Variants in RCOR1 observed in about 807,000 individuals in gnomAD.
RCOR1 encodes the protein REST corepressor 1, also known as REST corepressor.
A neutral mutation model predicts 64.0 loss-of-function variants in RCOR1; 12 were observed. The observed-to-expected ratio is 0.19, with a 90% CI of 0.12 to 0.30. The LOEUF (loss-of-function observed/expected upper bound fraction) is 0.30. RCOR1 is among the 10% of genes least tolerant of loss of function. The pLI is 1.00. For synonymous variants in RCOR1, 279 were observed against 227.2 expected (o/e 1.23, Z -2.05); for missense variants, 502 against 621.2 (o/e 0.81, Z 2.04).
chr14:102,610,197 T>C (rs1476412404), intron 2 of RCOR1, among the ~76,000 whole-genome samples: 2 of 152,028 alleles, frequency 1.3e-5, no homozygotes, highest in African/African-American at 4.8e-5. Context: ...CCTAGTTAAT[T>C]TGAATATTAA....
At chr14:102,622,931 T>C (rs889027296) in intron 2 of RCOR1, among the ~76,000 whole-genome samples, 4 of 152,250 alleles carry the variant, frequency 2.6e-5, no homozygotes, top group Non-Finnish European at 4.4e-5. Flanking sequence ...TTCCCCTCTT[T>C]AACTCTAGTA....
At chr14:102,710,739 A>G (rs968285297) in intron 6 of RCOR1, 196 bp from the exon 7 acceptor site, 8 of 555,402 alleles carry the variant, frequency 1.4e-5, no homozygotes, top group African/African-American at 1.2e-4. Flanking sequence ...TGAAAGAACT[A>G]TGGAGTTGGT....
At chr14:102,695,423 C>G (rs561792730) in intron 3 of RCOR1, 1 of 152,172 alleles carries the variant, frequency 6.6e-6, no homozygotes, top group Non-Finnish European at 1.5e-5. Flanking sequence ...TCAACTGATT[C>G]TTCACAATTG....
At chr14:102,593,848 C>T (rs1307319714) in intron 2 of RCOR1, among the ~76,000 whole-genome samples, 1 of 152,186 alleles carries the variant, frequency 6.6e-6, no homozygotes, top group Non-Finnish European at 1.5e-5. Flanking sequence ...GAAGAACGAC[C>T]CCCCAAAACC....
At chr14:102,636,648 C>T (rs565945472) in intron 2 of RCOR1, among the ~76,000 whole-genome samples, 3 of 151,922 alleles carry the variant, frequency 2.0e-5, no homozygotes, top group Non-Finnish European at 4.4e-5. Flanking sequence ...TACCTTCACC[C>T]GTTTTACTGA....
At chr14:102,705,569 C>T (rs1863114842) in intron 4 of RCOR1, among the ~76,000 whole-genome samples, 1 of 152,144 alleles carries the variant, frequency 6.6e-6, no homozygotes. Flanking sequence ...CTGCCTCAGC[C>T]CCCCAAGTAG....
intron 2 of RCOR1, among the ~76,000 whole-genome samples, chr14:102,637,526 C>G (rs1360851923): frequency 6.6e-6 from 1 of 152,124 alleles, no homozygotes; most frequent in Non-Finnish European, 1.5e-5. Context: ...TCATGGCCCA[C>G]CGCAGCCTTG....
At chr14:102,700,866 T>TG (rs1189439312) in intron 3 of RCOR1, among the ~76,000 whole-genome samples, 3 of 152,162 alleles carry the variant, frequency 2.0e-5, no homozygotes, top group African/African-American at 7.2e-5. Flanking sequence ...TACCCGAGAC[T>TG]GGGAAGAAAA....
chr14:102,659,062 C>A (rs1416180995), intron 2 of RCOR1: 3 of 902,110 alleles, frequency 3.3e-6, no homozygotes, highest in Non-Finnish European at 1.3e-6. Flanking sequence ...GGAATATTTA[C>A]ATAAATTATT....
chr14:102,663,043 T>G (rs1417352158), intron 2 of RCOR1, among the ~76,000 whole-genome samples: 4 of 152,160 alleles, frequency 2.6e-5, no homozygotes, highest in Admixed American at 2.6e-4. Flanking sequence ...AGGGACCTGG[T>G]GGTAGATAAT....
Position 102,623,931 on chromosome 14 carries a change from C to T in RCOR1, c.361+30606C>T, listed in dbSNP as rs542662211. ...AACATTAGCTGGGCATGGTGGCGGG[C>T]ACCTGTAGTCCCAGCTACTTGGGAG... On this transcript the variant is annotated intron_variant, in intron 2 of 11. Coordinates refer to ENST00000262241, the MANE Select transcript of RCOR1 (RefSeq NM_015156.4). Among the ~76,000 whole-genome samples the T allele has an allele frequency of 1.1e-3, 164 of 151,558 alleles. 2 individuals are homozygous for T. The East Asian group carries it at 0.012, about 11-fold the overall frequency.
At chr14:102,704,586 C>G (rs987496854) in intron 4 of RCOR1, among the ~76,000 whole-genome samples, 1 of 152,204 alleles carries the variant, frequency 6.6e-6, no homozygotes, top group Non-Finnish European at 1.5e-5. Context: ...TGCCTGCCAC[C>G]ATGCCCGGCT....
rs1454054404 is a variant in RCOR1 at position 102,593,204 on chromosome 14, C to T, written c.301+17C>T. The stretch of plus-strand genomic sequence containing the variant: ...AGGAGCACGGTAGGTGGCAGCCGCC[C>T]CCGCGGCCCCGGGCCCCGCGCCCCG... On this transcript the variant is annotated intron_variant, in intron 1 of 11. Transcript: ENST00000262241. 1 of 1,478,312 alleles carries T rather than the reference C, an allele frequency of 6.8e-7. No individual in the cohort carries two copies. Among genetic ancestry groups the T allele is most frequent in the Non-Finnish European group, 8.9e-7 (1 of 1,119,886 alleles). The allele number at this position is 1,478,312 out of a possible 1,614,324, so 91.6% of individuals were successfully genotyped here. A position where few individuals can be genotyped will look rare whatever the true frequency, so the allele number is the denominator to read the frequency against.
intron 2 of RCOR1, among the ~76,000 whole-genome samples, chr14:102,659,803 A>G (rs1042215289): frequency 5.9e-5 from 9 of 152,186 alleles, no homozygotes; most frequent in African/African-American, 2.2e-4. Context: ...AAAGTTTGGT[A>G]AGGACGTTAT....
At chr14:102,662,655 T>G (rs1006693654) in intron 2 of RCOR1, 1 of 449,124 alleles carries the variant, frequency 2.2e-6, no homozygotes, top group African/African-American at 2.0e-5. Context: ...CAGCCTTTGC[T>G]TTGGCTTCGG....
chr14:102,603,389 AT>A (rs1373675860), intron 2 of RCOR1, among the ~76,000 whole-genome samples: 1 of 151,990 alleles, frequency 6.6e-6, no homozygotes, highest in Non-Finnish European at 1.5e-5. Flanking sequence ...CAGTTGTGTA[AT>A]TTTGGCTCCC....
intron 3 of RCOR1, among the ~76,000 whole-genome samples, chr14:102,685,060 T>C (rs1175165511): frequency 7.1e-6 from 1 of 140,768 alleles, no homozygotes; most frequent in Non-Finnish European, 1.6e-5. Context: ...CCCTGGCTTT[T>C]CTTGTGTGTG....
chr14:102,593,839 A>G (rs1392098846), intron 2 of RCOR1, among the ~76,000 whole-genome samples: 4 of 152,184 alleles, frequency 2.6e-5, no homozygotes, highest in Admixed American at 2.6e-4. Flanking sequence ...AGGCGAGTAG[A>G]AGAACGACCC....
In RCOR1 at chr14:102,598,444, GTTCT is replaced by G. The variant is rs977945912; in HGVS notation, c.361+5122_361+5125del. ...ACGTTAGTCTTAAAATCCTGATTCA[GTTCT>G]TTTTTTTTTTTTTTTTTGAGACGGT... On this transcript the variant is annotated intron_variant, in intron 2 of 11. Coordinates refer to ENST00000262241, the MANE Select transcript of RCOR1 (RefSeq NM_015156.4). 5.0e-5 allele frequency among the ~76,000 whole-genome samples: 7 copies of G among 139,078 alleles called. No individual in the cohort carries two copies. In the South Asian group the frequency reaches 1.6e-3, roughly 31 times the overall value. 91.2% of individuals were successfully genotyped at this position (139,078 alleles called of 152,430 possible).
Sources: allele counts gnomAD v4.1 joint callset (sites outside exome capture counted in the v4.1 genomes callset), GRCh38; gene constraint gnomAD v4.1.1; transcripts MANE v1.5; gene names NCBI Gene and HGNC (gene_info 2026-07-23, HGNC 2026-07-21).